NCKAP5L: variants seen among roughly 807,000 people sequenced by gnomAD.
NCKAP5L encodes nck-associated protein 5-like.
In NCKAP5L, 54 loss-of-function variants were observed where a neutral mutation model predicts 103.2. That is an observed-to-expected ratio of 0.52 (90% CI 0.42 to 0.66). The LOEUF (loss-of-function observed/expected upper bound fraction) is 0.66. NCKAP5L is among the 30% of genes least tolerant of loss of function. NCKAP5L has a pLI of 0.00. For missense variants in NCKAP5L, 1,733 were observed against 1,750.6 expected (o/e 0.99, Z 0.18); for synonymous variants, 762 against 748.6 (o/e 1.02, Z -0.29).
chr12:49,794,650 C>T, intron 8 of NCKAP5L, 115 bp downstream of exon 8: 1 of 825,616 alleles, frequency 1.2e-6, no homozygotes, highest in Non-Finnish European at 1.7e-6. Context: ...CTTTTGACCT[C>T]TGGGAAGCCC....
At chr12:49,821,348 G>A (rs919775045) in intron 1 of NCKAP5L, among the ~76,000 whole-genome samples, 10 of 152,166 alleles carry the variant, frequency 6.6e-5, no homozygotes, top group African/African-American at 2.2e-4. Context: ...AGAAGACGAT[G>A]TGATGCGGGT....
intron 1 of NCKAP5L, among the ~76,000 whole-genome samples, chr12:49,820,298 A>T (rs1261852343): frequency 5.7e-5 from 8 of 141,426 alleles, no homozygotes; most frequent in East Asian, 2.1e-4. Context: ...CATCCCCCAA[A>T]CTTTATCTCC....
At chr12:49,827,904 C>T (rs1307475354) in intron 1 of NCKAP5L, among the ~76,000 whole-genome samples, 2 of 152,216 alleles carry the variant, frequency 1.3e-5, no homozygotes, top group Admixed American at 6.5e-5. Context: ...CCCCTCCCCC[C>T]GCAATAACCC....
At chr12:49,808,224 G>T (rs1033041604) in intron 1 of NCKAP5L, among the ~76,000 whole-genome samples, 12 of 152,356 alleles carry the variant, frequency 7.9e-5, no homozygotes, top group Non-Finnish European at 1.8e-4. Context: ...CACTGAGAAT[G>T]GGGGAGACCC....
At chr12:49,793,991 C>G in intron 8 of NCKAP5L, 95 bp from the exon 9 acceptor site, 1 of 1,170,172 alleles carries the variant, frequency 8.5e-7, no homozygotes, top group Non-Finnish European at 1.1e-6. Flanking sequence ...TAGGGAGGCA[C>G]TTCCTGCCAT....
In NCKAP5L at chr12:49,795,092, A is replaced by C. The variant is rs759702708; in HGVS notation, c.2768T>G (p.Leu923Arg). 1 of 1,612,886 alleles carries C rather than the reference A, an allele frequency of 6.2e-7. No individual in the cohort carries two copies. Among genetic ancestry groups the C allele is most frequent in the Middle Eastern group, 1.7e-4 (1 of 6,054 alleles). ...CAGCGCTGGCAGCTTGCTCTTCTTAAGGCCGAACCAGCTGGCGATGCTGCT... is the reference window on the plus strand; with the variant it reads ...CAGCGCTGGCAGCTTGCTCTTCTTACGGCCGAACCAGCTGGCGATGCTGCT... ...NTSSIASWFG[L>R]KKSKLPALNR... The change falls in exon 8 of 13, where the codon CTT becomes CGT. Residue 923 changes from leucine (L) to arginine (R), a missense_variant. Leu to Arg is a moderately radical substitution (Grantham distance 102, BLOSUM62 -2). Coordinates refer to ENST00000335999, the MANE Select transcript of NCKAP5L (RefSeq NM_001037806.4).
rs779227987 is a variant in NCKAP5L at position 49,794,898 on chromosome 12, A to C, written c.2962T>G (p.Tyr988Asp). 3 of 1,523,168 alleles carry C rather than the reference A, an allele frequency of 2.0e-6. No homozygotes were observed. Among genetic ancestry groups the C allele is most frequent in the Non-Finnish European group, 2.6e-6 (3 of 1,135,400 alleles). The allele number at this position is 1,523,168 out of a possible 1,614,324, so 94.4% of individuals were successfully genotyped here. ...CGTGGCCGGGCCCGGCTGCTTAGGT[A>C]GGCCTTCTCCTCTTCCAGTGCCCGA... ...LRRALEEEKA[Y>D]LSSRARPRPG... The change falls in exon 8 of 13, where the codon TAC (tyrosine) becomes GAC (aspartate). Residue 988 changes from tyrosine to aspartate, a missense_variant. Tyr to Asp is a radical substitution (Grantham distance 160, BLOSUM62 -3). Coordinates refer to ENST00000335999, the MANE Select transcript of NCKAP5L (RefSeq NM_001037806.4).
intron 1 of NCKAP5L, among the ~76,000 whole-genome samples, chr12:49,820,050 C>T (rs78579270): frequency 0.019 from 2,923 of 152,308 alleles, 107 homozygotes; most frequent in African/African-American, 0.066. Context: ...AACTCCTCTC[C>T]TATCCCCTGG....
At position 49,796,544 on chromosome 12, in the gene NCKAP5L, G is replaced by T. The variant is rs1217857982; in HGVS notation, c.1316C>A (p.Pro439His). Residue 439 changes from proline (P) to histidine (H), a missense_variant, in exon 8 of 13, where the codon CCT becomes CAT. Coordinates refer to ENST00000335999, the MANE Select transcript of NCKAP5L (RefSeq NM_001037806.4). The part of the protein sequence containing the change: ...QVKSKLQIGP[P>H]SPGEAQGPLL... ...GGGTCCCTGAGCTTCCCCAGGAGAAGGGGGGCCAATTTGGAGCTTGCTTTT... is the reference window on the plus strand; with the variant it reads ...GGGTCCCTGAGCTTCCCCAGGAGAATGGGGGCCAATTTGGAGCTTGCTTTT... 1.3e-6 allele frequency: 2 copies of T among 1,587,400 alleles called. No homozygotes were observed. The highest frequency in any genetic ancestry group is 4.5e-5 in the East Asian group (2 of 44,746).
intron 1 of NCKAP5L, among the ~76,000 whole-genome samples, chr12:49,824,970 C>T (rs1239977332): frequency 6.6e-6 from 1 of 152,184 alleles, no homozygotes; most frequent in African/African-American, 2.4e-5. Flanking sequence ...AAGAACTGGC[C>T]CTCTCTGCCT....
intron 1 of NCKAP5L, among the ~76,000 whole-genome samples, chr12:49,819,303 C>T (rs1251928086): frequency 2.2e-5 from 3 of 136,808 alleles, no homozygotes; most frequent in Non-Finnish European, 4.8e-5. Flanking sequence ...CGGTGCAAGA[C>T]TCCGCTTCAA....
intron 1 of NCKAP5L, among the ~76,000 whole-genome samples, chr12:49,824,612 C>T (rs891533294): frequency 3.3e-5 from 5 of 152,198 alleles, no homozygotes; most frequent in African/African-American, 9.7e-5. Context: ...ACTGTGTCCC[C>T]GGAGGGAACC....
intron 6 of NCKAP5L, among the ~76,000 whole-genome samples, chr12:49,801,133 C>T (rs531491241): frequency 3.5e-4 from 54 of 152,314 alleles, no homozygotes; most frequent in African/African-American, 1.2e-3. Flanking sequence ...GCCCAGTTTG[C>T]CTCAGACAGA....
In NCKAP5L at chr12:49,796,851, ACT is replaced by A; in HGVS notation, c.1007_1008del (p.Glu336ValfsTer36). ...CCGGCCAGGAAGGCCTGTAGGTAAG[ACT>A]CTGTGTCCTCAAGGAGCTGGCCCAG... is the stretch of plus-strand genomic sequence containing the variant. ...LNLGQLLEDT[E>X]SYLQAFLAGA... On this transcript the variant is annotated frameshift_variant, in exon 8 of 13. Transcript: ENST00000335999. LOFTEE classifies it high-confidence loss of function. 1 of 1,612,530 alleles carries A rather than the reference ACT, an allele frequency of 6.2e-7. No individual in the cohort carries two copies. The highest frequency in any genetic ancestry group is 8.5e-7 in the Non-Finnish European group (1 of 1,179,602).
At chr12:49,804,228 G>T in intron 2 of NCKAP5L, 148 bp from the exon 3 acceptor site, 1 of 620,242 alleles carries the variant, frequency 1.6e-6, no homozygotes, top group Non-Finnish European at 2.7e-6. Flanking sequence ...ACGGTCACGG[G>T]GCAGACAACA....
Position 49,792,561 on chromosome 12 carries a change from G to T in NCKAP5L, c.3677C>A (p.Pro1226His), listed in dbSNP as rs1357013832. Residue 1226 changes from proline to histidine, a missense_variant, in exon 12 of 13, where the codon CCT becomes CAT. Transcript: ENST00000335999. This position sits in a 1 kb window ranked among gnomAD's most constrained non-coding sequence, Gnocchi z 4.5. Reference protein sequence around the residue: ...DDPCEDPGPTPPVQLAKNWTF... With the variant: ...DDPCEDPGPTHPVQLAKNWTF... Reference sequence around the variant, plus strand: ...CCAGTTCTTGGCCAGCTGGACAGGAGGGGTGGGGCCTGGGTCTTCACAGGG... The same window carrying T: ...CCAGTTCTTGGCCAGCTGGACAGGATGGGTGGGGCCTGGGTCTTCACAGGG... 6 of 1,613,800 alleles carry T rather than the reference G, an allele frequency of 3.7e-6. No individual in the cohort carries two copies. The highest frequency in any genetic ancestry group is 5.1e-6 in the Non-Finnish European group (6 of 1,179,886).
intron 1 of NCKAP5L, among the ~76,000 whole-genome samples, chr12:49,815,132 T>C (rs1946283219): frequency 6.6e-6 from 1 of 152,374 alleles, no homozygotes. Flanking sequence ...TTCTCCATTA[T>C]AAAGTCACTA....
At position 49,802,036 on chromosome 12, in the gene NCKAP5L, A is replaced by C. The variant is rs1331548568; in HGVS notation, c.232-69T>G. 5.7e-6 allele frequency: 9 copies of C among 1,581,350 alleles called. No individual in the cohort carries two copies. In the African/African-American group the frequency reaches 1.2e-4, roughly 21 times the overall value. ...GTGGGAGAGTGTCACAGTGCTCTTC[A>C]TCAGAGCAGCGGCATCTGTCTGGAG... is the stretch of plus-strand genomic sequence containing the variant. On this transcript the variant is annotated intron_variant, in intron 5 of 12. Coordinates refer to ENST00000335999, the MANE Select transcript of NCKAP5L (RefSeq NM_001037806.4).
rs768104848 is a variant in NCKAP5L, at chr12:49,796,312, C to T, written c.1548G>A (p.Ala516=). ...LGGGELSPEG[A]QGLPTSPSPC... ...GTGAAGGGCTGGTGGGCAGGCCTTG[C>T]GCCCCCTCTGGGGACAGCTCTCCTC... Residue 516 remains alanine, a synonymous_variant, in exon 8 of 13, where the codon GCG becomes GCA. Coordinates refer to ENST00000335999, the MANE Select transcript of NCKAP5L (RefSeq NM_001037806.4). 3.8e-5 allele frequency: 58 copies of T among 1,542,322 alleles called. No individual in the cohort carries two copies. The highest frequency in any genetic ancestry group is 4.3e-5 in the Non-Finnish European group (49 of 1,144,090).
Sources: allele counts gnomAD v4.1 joint callset (sites outside exome capture counted in the v4.1 genomes callset), GRCh38; gene constraint gnomAD v4.1.1; non-coding constraint Gnocchi (gnomAD v3.1); transcripts MANE v1.5; gene names NCBI Gene and HGNC (gene_info 2026-07-23, HGNC 2026-07-21).